The following DCC variants were observed in gnomAD, a reference collection of about 807,000 sequenced individuals.
DCC encodes the protein DCC netrin 1 receptor.
Under a neutral mutation model 172.5 loss-of-function variants are expected in DCC, and 58 were observed. The ratio of observed to expected loss-of-function variants is 0.34; its 90% confidence interval spans 0.27 to 0.42. The LOEUF is 0.42. Ranked by LOEUF, DCC falls within the 10% of genes least tolerant of loss-of-function variation. DCC has a pLI of 1.00. For missense variants in DCC, 1,740 were observed against 1,791.0 expected (o/e 0.97, Z 0.51); for synonymous variants, 709 against 644.5 (o/e 1.10, Z -1.52).
chr18:52,498,885 T>C (rs1005251151), intron 1 of DCC, among the ~76,000 whole-genome samples: 32 of 152,090 alleles, frequency 2.1e-4, no homozygotes, highest in African/African-American at 7.2e-4. Context: ...CCTTAATTAC[T>C]TACTTTACTT....
intron 27 of DCC, among the ~76,000 whole-genome samples, chr18:53,511,401 C>T (rs2046250032): frequency 6.6e-6 from 1 of 152,208 alleles, no homozygotes; most frequent in South Asian, 2.1e-4. Context: ...CAGGCCTTGC[C>T]TTGTTTGCTT....
intron 16 of DCC, among the ~76,000 whole-genome samples, chr18:53,387,241 T>C (rs1044518604): frequency 3.3e-5 from 5 of 152,248 alleles, no homozygotes; most frequent in Non-Finnish European, 7.3e-5. Flanking sequence ...GCTTCATTCA[T>C]AGACTATCTT....
chr18:53,475,010 A>G (rs2045744632), intron 25 of DCC, among the ~76,000 whole-genome samples: 1 of 152,042 alleles, frequency 6.6e-6, no homozygotes, highest in African/African-American at 2.4e-5. Flanking sequence ...AGCAAAGGTG[A>G]CTTTGGTTAT....
intron 1 of DCC, among the ~76,000 whole-genome samples, chr18:52,362,675 A>G (rs1488086495): frequency 6.6e-6 from 1 of 152,186 alleles, no homozygotes; most frequent in African/African-American, 2.4e-5. Flanking sequence ...TTAAAAAAAT[A>G]GAACTTTGGA....
chr18:53,160,449 T>A (rs1366917947), intron 8 of DCC, among the ~76,000 whole-genome samples: 1 of 152,180 alleles, frequency 6.6e-6, no homozygotes, highest in Non-Finnish European at 1.5e-5. Context: ...AACACAGCAA[T>A]TAAATATTTG....
chr18:52,927,491 A>G (rs2040237027), intron 5 of DCC, among the ~76,000 whole-genome samples: 3 of 152,022 alleles, frequency 2.0e-5, no homozygotes, highest in Admixed American at 2.0e-4. Context: ...AACTTCTCAT[A>G]TTTCATTGAT....
chr18:52,345,737 G>C (rs1232196534), intron 1 of DCC, among the ~76,000 whole-genome samples: 2 of 152,164 alleles, frequency 1.3e-5, no homozygotes, highest in African/African-American at 4.8e-5. Context: ...CAAGGTCAGG[G>C]GGATTTGCCT....
intron 1 of DCC, among the ~76,000 whole-genome samples, chr18:52,379,781 C>T (rs964504255): frequency 2.0e-5 from 3 of 152,130 alleles, no homozygotes; most frequent in Non-Finnish European, 2.9e-5. Flanking sequence ...TGGTACTTTG[C>T]CTTGAAGTTC....
chr18:52,400,486 G>T (rs1384645757), intron 1 of DCC, among the ~76,000 whole-genome samples: 1 of 151,908 alleles, frequency 6.6e-6, no homozygotes, highest in African/African-American at 2.4e-5. Flanking sequence ...GCACTTTTAC[G>T]CTGTTGGTGG....
intron 1 of DCC, among the ~76,000 whole-genome samples, chr18:52,728,994 C>A (rs1320881887): frequency 6.6e-6 from 1 of 152,148 alleles, no homozygotes; most frequent in East Asian, 1.9e-4. Flanking sequence ...AGACCGGGCT[C>A]CCTACAGGGT....
chr18:52,486,287 C>A (rs1010363333), intron 1 of DCC, among the ~76,000 whole-genome samples: 1 of 152,074 alleles, frequency 6.6e-6, no homozygotes, highest in Non-Finnish European at 1.5e-5. Context: ...CGTTTAGAAA[C>A]AGGTCTTCAA....
intron 25 of DCC, 109 bp from the exon 26 acceptor site, chr18:53,486,688 A>G (rs952391583): frequency 3.5e-6 from 5 of 1,449,102 alleles, no homozygotes; most frequent in Admixed American, 1.8e-5. Context: ...AGTTGATACT[A>G]TGAAGAGTGT....
chr18:53,147,338 C>T (rs1360405383), intron 7 of DCC, among the ~76,000 whole-genome samples: 2 of 152,064 alleles, frequency 1.3e-5, no homozygotes, highest in African/African-American at 4.8e-5. Flanking sequence ...ATATAGAGGC[C>T]TGGATGGTCA....
chr18:53,523,955 A>C (rs1221431406), intron 27 of DCC, among the ~76,000 whole-genome samples: 2 of 149,918 alleles, frequency 1.3e-5, no homozygotes, highest in African/African-American at 5.1e-5. Context: ...TTAATAAAAA[A>C]AGAAATAGTA....
chr18:53,178,150 G>A (rs879480965), intron 8 of DCC, among the ~76,000 whole-genome samples: 5 of 152,284 alleles, frequency 3.3e-5, no homozygotes, highest in Admixed American at 2.6e-4. Flanking sequence ...TATCTAGAAT[G>A]TTCAGAAGGT....
At chr18:53,489,957 C>T (rs2045942739) in intron 26 of DCC, among the ~76,000 whole-genome samples, 1 of 152,098 alleles carries the variant, frequency 6.6e-6, no homozygotes, top group Non-Finnish European at 1.5e-5. Context: ...AGTCTTGGGG[C>T]CTCATTTCTA....
chr18:53,254,569 C>A (rs1016218087), intron 12 of DCC, among the ~76,000 whole-genome samples: 40 of 152,028 alleles, frequency 2.6e-4, no homozygotes, highest in African/African-American at 9.7e-4. Flanking sequence ...TTCCCTATTC[C>A]TAACTGGTTC....
chr18:52,497,581 C>T (rs2030850840), intron 1 of DCC, among the ~76,000 whole-genome samples: 1 of 151,844 alleles, frequency 6.6e-6, no homozygotes, highest in Non-Finnish European at 1.5e-5. Context: ...TTTATTCTAA[C>T]CATCCCCTAA....
chr18:53,120,640 T>C (rs1845310195), intron 7 of DCC, among the ~76,000 whole-genome samples: 1 of 151,826 alleles, frequency 6.6e-6, no homozygotes, highest in Admixed American at 6.6e-5. Context: ...TGGAATGTTA[T>C]TATAGAATAA....
Sources: gnomAD v4.1 joint callset for allele counts (sites outside exome capture counted in the v4.1 genomes callset) on GRCh38, gnomAD v4.1.1 for gene constraint, MANE v1.5 for transcripts, NCBI Gene and HGNC (gene_info 2026-07-23, HGNC 2026-07-21) for gene names.